The following GPAM variants were observed in gnomAD, a reference collection of about 807,000 sequenced individuals.
GPAM encodes glycerol-3-phosphate acyltransferase 1, mitochondrial.
GPAM carries 56 observed loss-of-function variants against 105.0 expected under a neutral mutation model. The ratio of observed to expected loss-of-function variants is 0.53; its 90% CI spans 0.43 to 0.67. The LOEUF is 0.67. Ranked by LOEUF, GPAM falls within the 30% of genes least tolerant of loss-of-function variation. The probability of loss-of-function intolerance (pLI) is 0.00; values close to 1 mark genes in which losing one functional copy is unlikely to be tolerated. For synonymous variants in GPAM, 368 were observed against 354.4 expected, an observed-to-expected ratio of 1.04 and a Z score of -0.43; for missense variants, 855 against 989.8, an observed-to-expected ratio of 0.86 and a Z score of 1.83.
At chr10:112,214,045 C>T (rs1038925299) in intron 1 of GPAM, among the ~76,000 whole-genome samples, 3 of 152,114 alleles carry the variant, frequency 2.0e-5, no homozygotes, top group South Asian at 2.1e-4. Flanking sequence ...GGAAATCCCA[C>T]GGGACCCCTG....
rs943433964 is a variant in GPAM at position 112,175,803 on chromosome 10, A to T, written c.300-90T>A. 5.1e-6 allele frequency: 4 copies of T among 780,434 alleles called. No homozygotes were observed. The African/African-American group carries it at 6.8e-5, about 13-fold the overall frequency. The allele number at this position is 780,434 out of a possible 1,614,324, so 48.3% of individuals were successfully genotyped here. A position where few individuals can be genotyped will look rare whatever the true frequency, so the allele number is the denominator to read the frequency against. On this transcript the variant is annotated intron_variant, in intron 5 of 21. Coordinates refer to ENST00000348367, the MANE Select transcript of GPAM (RefSeq NM_001244949.2). ...ACTAATTTTCCGCCCATAAAAACAA[A>T]GCCTAATGTCATCTCTTTCTGAGAT...
In GPAM at chr10:112,150,087, A is replaced by G. The variant is rs1846888078; in HGVS notation, c.*3463T>C. On this transcript the variant is annotated 3_prime_UTR_variant, in exon 22 of 22. Coordinates refer to ENST00000348367, the MANE Select transcript of GPAM (RefSeq NM_001244949.2). ...CCATCAAGACATTTCAGAGCTCTAG[A>G]CGTTTAGAAATAAGGTCAAGAATCT... The G allele has an allele frequency of 1.0e-6, 1 of 984,486 alleles. No homozygotes were observed. The highest frequency in any genetic ancestry group is 4.7e-5 in the South Asian group (1 of 21,268). 61.0% of individuals were successfully genotyped at this position (984,486 alleles called of 1,614,324 possible).
Position 112,157,121 on chromosome 10 carries a change from A to C in GPAM, c.2121+128T>G, listed in dbSNP as rs371825049. 2.7e-4 allele frequency: 228 copies of C among 855,066 alleles called. No individual in the cohort carries two copies. In the African/African-American group the frequency reaches 3.4e-3, roughly 13 times the overall value. The allele number at this position is 855,066 out of a possible 1,614,324, so 53.0% of individuals were successfully genotyped here. ...AACAGTTTGAGTGTCTTTACCACAC[A>C]GAAGGTACCAGAGCTAGTTGGGGGA... On this transcript the variant is annotated intron_variant, in intron 19 of 21. Coordinates refer to ENST00000348367, the MANE Select transcript of GPAM (RefSeq NM_001244949.2).
At chr10:112,162,871 T>TA (rs1203707439) in intron 14 of GPAM, among the ~76,000 whole-genome samples, 4 of 152,122 alleles carry the variant, frequency 2.6e-5, no homozygotes, top group Non-Finnish European at 5.9e-5. Flanking sequence ...TTAAGCAGGA[T>TA]AGAGACATAA....
At position 112,163,897 on chromosome 10, in the gene GPAM, A is replaced by G. The variant is rs954066807; in HGVS notation, c.1308-81T>C. On this transcript the variant is annotated intron_variant, in intron 13 of 21. Transcript: ENST00000348367. The stretch of plus-strand genomic sequence containing the variant: ...TGTGGAACTGATCTTTAAATGAATT[A>G]GATACTTTAAATTACTATATATTTT... The G allele has an allele frequency of 3.1e-5, 23 of 732,634 alleles. 2 individuals carry two copies. In the East Asian group the frequency reaches 3.7e-4, roughly 12 times the overall value. 45.4% of individuals were successfully genotyped at this position (732,634 alleles called of 1,614,324 possible). A position where few individuals can be genotyped will look rare whatever the true frequency, so the allele number is the denominator to read the frequency against.
chr10:112,153,879 T>G, intron 21 of GPAM: 1 of 506,494 alleles, frequency 2.0e-6, no homozygotes, highest in East Asian at 3.7e-5. Context: ...ATTTTTTTTT[T>G]TTTGTTTTGA....
At chr10:112,192,997 A>G (rs1018872717) in intron 1 of GPAM, among the ~76,000 whole-genome samples, 2 of 152,244 alleles carry the variant, frequency 1.3e-5, no homozygotes, top group African/African-American at 2.4e-5. Context: ...AGCAATTTCT[A>G]TGTGCCAAGC....
In GPAM at chr10:112,153,742, T is replaced by C. The variant is rs1589574877; in HGVS notation, c.2371-76A>G. On this transcript the variant is annotated intron_variant, in intron 21 of 21. Coordinates refer to ENST00000348367, the MANE Select transcript of GPAM (RefSeq NM_001244949.2). ...AAATTTCCATTACCAACCTGACCTG[T>C]GGTGTCCTAGACCTCAGAAGGCAGT... 61 of 1,548,496 alleles carry C rather than the reference T, an allele frequency of 3.9e-5. No individual in the cohort carries two copies. The East Asian group carries it at 1.4e-3, about 35-fold the overall frequency.
chr10:112,193,481 G>A (rs146641477), intron 1 of GPAM, among the ~76,000 whole-genome samples: 1 of 152,172 alleles, frequency 6.6e-6, no homozygotes, highest in Non-Finnish European at 1.5e-5. Context: ...GGGAAGGATG[G>A]GGAATAGATC....
chr10:112,175,094 C>G (rs1847379713), intron 6 of GPAM, among the ~76,000 whole-genome samples: 1 of 152,040 alleles, frequency 6.6e-6, no homozygotes, highest in Non-Finnish European at 1.5e-5. Context: ...CCCATTCCAC[C>G]TGAGTTCCAA....
chr10:112,222,230 T>A, the GPAM span, among the ~76,000 whole-genome samples: 1 of 152,198 alleles, frequency 6.6e-6, no homozygotes, highest in Non-Finnish European at 1.5e-5. Context: ...AGAAAAGACT[T>A]CCTTCCTACC....
intron 1 of GPAM, among the ~76,000 whole-genome samples, chr10:112,202,169 TTGTGGGCTA>T (rs1424412907): frequency 6.6e-6 from 1 of 152,216 alleles, no homozygotes; most frequent in East Asian, 1.9e-4. Context: ...ATTTTAGGCT[TTGTGGGCTA>T]TATGGTCCTG....
intron 1 of GPAM, among the ~76,000 whole-genome samples, chr10:112,208,233 T>C (rs886212512): frequency 6.6e-6 from 1 of 152,164 alleles, no homozygotes; most frequent in Non-Finnish European, 1.5e-5. Context: ...TTTGCAGCAG[T>C]CTCTAAGCTG....
intron 1 of GPAM, among the ~76,000 whole-genome samples, chr10:112,194,592 TGGAAAA>T (rs1199902346): frequency 6.6e-6 from 1 of 152,354 alleles, no homozygotes; most frequent in African/African-American, 2.4e-5. Context: ...TCTTGTCTTC[TGGAAAA>T]GAGATCCTAA....
chr10:112,158,453 C>T (rs1199838379), intron 17 of GPAM, 60 bp from the exon 18 acceptor site: 8 of 1,062,576 alleles, frequency 7.5e-6, no homozygotes, highest in African/African-American at 1.6e-5. Context: ...TTTTTAAACG[C>T]AGAAAACATG....
At position 112,163,786 on chromosome 10, in the gene GPAM, G is replaced by A; in HGVS notation, c.1338C>T (p.Asp446=). ...CATTTCTGGACTCATTAATGGACGT[G>A]TCTCTACCTTCATCAGCAGCATCAC... ...RPSDAADEGR[D]TSINESRNAT... Residue 446 remains aspartate (D), a synonymous_variant, in exon 14 of 22, where the codon GAC becomes GAT. Coordinates refer to ENST00000348367, the MANE Select transcript of GPAM (RefSeq NM_001244949.2). The A allele has an allele frequency of 1.3e-6, 2 of 1,598,296 alleles. No homozygotes were observed. The highest frequency in any genetic ancestry group is 1.7e-6 in the Non-Finnish European group (2 of 1,165,528).
upstream of GPAM, among the ~76,000 whole-genome samples, chr10:112,219,265 G>T (rs2133314681): frequency 6.6e-6 from 1 of 152,342 alleles, no homozygotes; most frequent in East Asian, 1.9e-4. Flanking sequence ...CTCTCCATGG[G>T]GGTAGAGAGG....
At chr10:112,181,342 A>G (rs770460930) in intron 3 of GPAM, among the ~76,000 whole-genome samples, 14 of 152,234 alleles carry the variant, frequency 9.2e-5, no homozygotes, top group African/African-American at 3.4e-4. Context: ...TACTTCTATT[A>G]TAAAATTCAT....
intron 1 of GPAM, among the ~76,000 whole-genome samples, chr10:112,193,452 T>A (rs1302664097): frequency 6.6e-6 from 1 of 152,220 alleles, no homozygotes; most frequent in East Asian, 1.9e-4. Flanking sequence ...GGCATTGTCC[T>A]AAGATCTAGA....
Sources: allele counts gnomAD v4.1 joint callset (sites outside exome capture counted in the v4.1 genomes callset), GRCh38; gene constraint gnomAD v4.1.1; transcripts MANE v1.5; gene names NCBI Gene and HGNC (gene_info 2026-07-23, HGNC 2026-07-21).